Variants in NTN1 observed in about 807,000 individuals in gnomAD.
NTN1 encodes the protein netrin-1.
In NTN1, 11 loss-of-function variants were observed where a neutral mutation model predicts 54.2. That is an observed-to-expected ratio of 0.20 (90% confidence interval 0.13 to 0.34). NTN1 has a LOEUF of 0.34. Among genes scored for constraint, NTN1 ranks in the 10% least tolerant of loss-of-function variants. The pLI is 1.00. For synonymous variants in NTN1, 371 were observed against 382.0 expected (o/e 0.97, Z 0.33); for missense variants, 740 against 893.1 (o/e 0.83, Z 2.18).
chr17:9,087,219 G>A (rs1213200502), intron 2 of NTN1, among the ~76,000 whole-genome samples: 1 of 152,154 alleles, frequency 6.6e-6, no homozygotes, highest in Non-Finnish European at 1.5e-5. Context: ...AGTGGGAGGT[G>A]GCTAGGTGGG....
intron 2 of NTN1, among the ~76,000 whole-genome samples, chr17:9,147,492 C>T (rs955068326): frequency 1.8e-4 from 27 of 152,190 alleles, no homozygotes; most frequent in Admixed American, 4.6e-4. Context: ...CCAGCCTGGG[C>T]GACAGAGAGA....
chr17:9,198,629 C>G (rs774083472), intron 5 of NTN1, among the ~76,000 whole-genome samples: 1 of 152,128 alleles, frequency 6.6e-6, no homozygotes, highest in Admixed American at 6.5e-5. Context: ...CTCTGAGGTC[C>G]CATGTCCTCC....
At chr17:9,039,471 T>C (rs1408490563) in intron 2 of NTN1, among the ~76,000 whole-genome samples, 1 of 152,236 alleles carries the variant, frequency 6.6e-6, no homozygotes, top group Non-Finnish European at 1.5e-5. Flanking sequence ...CTTATGTGTT[T>C]CTCTTTGATT....
intron 5 of NTN1, among the ~76,000 whole-genome samples, chr17:9,206,533 C>T (rs1404343457): frequency 6.6e-6 from 1 of 152,108 alleles, no homozygotes; most frequent in East Asian, 1.9e-4. Flanking sequence ...TTGCCCCCTC[C>T]CAGAAGTCCA....
chr17:9,215,495 T>A (rs1597542589), intron 5 of NTN1, among the ~76,000 whole-genome samples: 1 of 152,110 alleles, frequency 6.6e-6, no homozygotes, highest in East Asian at 1.9e-4. Context: ...AAACTCTTAC[T>A]TTTGACTCAT....
intron 2 of NTN1, among the ~76,000 whole-genome samples, chr17:9,136,402 C>T (rs978109787): frequency 1.3e-5 from 2 of 152,002 alleles, no homozygotes; most frequent in African/African-American, 2.4e-5. Context: ...GGTGAAACCC[C>T]GTCTCTACTA....
intron 2 of NTN1, among the ~76,000 whole-genome samples, chr17:9,130,745 C>T (rs781472055): frequency 6.6e-6 from 1 of 152,178 alleles, no homozygotes; most frequent in Non-Finnish European, 1.5e-5. Flanking sequence ...GTTTCTTCCT[C>T]CTCTGTCATT....
intron 2 of NTN1, among the ~76,000 whole-genome samples, chr17:9,023,840 G>A (rs2091861843): frequency 6.6e-6 from 1 of 152,196 alleles, no homozygotes; most frequent in Non-Finnish European, 1.5e-5. Flanking sequence ...AAATCCCTTG[G>A]GAGATGGCAA....
chr17:9,167,191 T>C (rs2092375792), intron 3 of NTN1, among the ~76,000 whole-genome samples: 1 of 152,166 alleles, frequency 6.6e-6, no homozygotes, highest in Admixed American at 6.5e-5. Context: ...GCAGATGAGA[T>C]AAATTTCTCC....
At chr17:9,189,678 T>C (rs924088063) in intron 5 of NTN1, among the ~76,000 whole-genome samples, 5 of 149,020 alleles carry the variant, frequency 3.4e-5, no homozygotes, top group African/African-American at 1.2e-4. Context: ...CAATTTTAGA[T>C]AATTAAAAAA....
intron 3 of NTN1, among the ~76,000 whole-genome samples, chr17:9,164,241 A>G (rs1300339410): frequency 6.6e-6 from 1 of 152,222 alleles, no homozygotes; most frequent in Non-Finnish European, 1.5e-5. Context: ...CCTGCCTAAC[A>G]TGGTGAAACC....
intron 2 of NTN1, among the ~76,000 whole-genome samples, chr17:9,063,845 T>TA (rs756835686): frequency 2.5e-4 from 38 of 151,584 alleles, no homozygotes; most frequent in Non-Finnish European, 4.0e-4. Flanking sequence ...CCAAAGATTT[T>TA]TTTTTTAGCC....
intron 2 of NTN1, among the ~76,000 whole-genome samples, chr17:9,114,166 A>ATATATATATATAT (rs59456522): frequency 2.3e-4 from 17 of 74,612 alleles, no homozygotes; most frequent in South Asian, 8.9e-4. Context: ...AAAAAAAAAA[A>ATATATATATATAT]ATATATATAT....
chr17:9,028,564 T>C (rs186881140), intron 2 of NTN1, among the ~76,000 whole-genome samples: 2 of 152,164 alleles, frequency 1.3e-5, no homozygotes, highest in Non-Finnish European at 2.9e-5. Flanking sequence ...AATGAGATCC[T>C]CAGAAAACTA....
intron 2 of NTN1, among the ~76,000 whole-genome samples, chr17:9,031,001 C>T (rs1259557496): frequency 6.6e-6 from 1 of 152,104 alleles, no homozygotes; most frequent in Non-Finnish European, 1.5e-5. Context: ...AGTTGGGAAC[C>T]CATCTGTGCC....
At chr17:9,057,451 T>C (rs182609892) in intron 2 of NTN1, among the ~76,000 whole-genome samples, 2 of 152,326 alleles carry the variant, frequency 1.3e-5, no homozygotes, top group East Asian at 1.9e-4. Flanking sequence ...GTTTGCTTTC[T>C]GCTCTTCCCC....
intron 4 of NTN1, among the ~76,000 whole-genome samples, chr17:9,181,402 A>C (rs561990772): frequency 2.8e-4 from 42 of 152,270 alleles, no homozygotes; most frequent in Non-Finnish European, 5.0e-4. Context: ...CTCTGTGGCC[A>C]TTGGCTTCGG....
rs75052877 is a variant in NTN1, at chr17:9,080,811, C to G, written c.1018+57420C>G. On this transcript the variant is annotated intron_variant, in intron 2 of 6. Transcript: ENST00000173229. ...CCTCCATAAAAACTCAGAAGGACAG[C>G]GTTTGGAGAGCTTCTGATAGCTGAT... Among the ~76,000 whole-genome samples the G allele has an allele frequency of 6.4e-3, 976 of 152,300 alleles. 10 individuals are homozygous for G. Among genetic ancestry groups the G allele is most frequent in the African/African-American group, 0.023 (936 of 41,564 alleles).
chr17:9,183,446 G>T, intron 5 of NTN1: 2 of 397,984 alleles, frequency 5.0e-6, no homozygotes, highest in Non-Finnish European at 1.0e-5. Flanking sequence ...TAAAAATTTA[G>T]CATTTCCTCC....
Sources: allele counts gnomAD v4.1 joint callset (sites outside exome capture counted in the v4.1 genomes callset), GRCh38; gene constraint gnomAD v4.1.1; transcripts MANE v1.5; gene names NCBI Gene and HGNC (gene_info 2026-07-23, HGNC 2026-07-21).